The following COBL variants were observed in gnomAD, a reference collection of about 807,000 sequenced individuals.
COBL encodes the protein protein cordon-bleu.
Under a neutral mutation model 98.8 loss-of-function variants are expected in COBL, and 51 were observed. The ratio of observed to expected loss-of-function variants is 0.52; its 90% CI spans 0.41 to 0.65. The LOEUF (loss-of-function observed/expected upper bound fraction) is 0.65. COBL is among the 30% of genes least tolerant of loss of function. COBL has a pLI of 0.00. For synonymous variants in COBL, 634 were observed against 651.7 expected (o/e 0.97, Z 0.41); for missense variants, 1,617 against 1,617.5 (o/e 1.00, Z 0.01).
chr7:51,154,828 T>C (rs1346007852), intron 5 of COBL, among the ~76,000 whole-genome samples: 4 of 152,240 alleles, frequency 2.6e-5, no homozygotes, highest in Non-Finnish European at 4.4e-5. Flanking sequence ...TTTTCCTTTT[T>C]CCGTGTGTAA....
At chr7:51,125,226 A>G (rs896685312) in intron 6 of COBL, among the ~76,000 whole-genome samples, 4 of 152,180 alleles carry the variant, frequency 2.6e-5, no homozygotes, top group African/African-American at 9.7e-5. Flanking sequence ...GGTAGGCTCT[A>G]ATCCAATATG....
At position 51,085,283 on chromosome 7, in the gene COBL, C is replaced by G. The variant is rs750138605; in HGVS notation, c.979G>C (p.Asp327His). Reference sequence around the variant, plus strand: ...GCTCGCCGCTTCTTCTTCTGTAAATCAATCTGTGACCCAAGAGATACCTAT... The same window carrying G: ...GCTCGCCGCTTCTTCTTCTGTAAATGAATCTGTGACCCAAGAGATACCTAT... ...SEKVSLGSQI[D>H]LQKKKRRAPA... Residue 327 changes from aspartate (D) to histidine (H), a missense_variant, in exon 7 of 13, where the codon GAT becomes CAT. By Grantham distance (81) the Asp-to-His change is moderately conservative. Around this residue, in one of 3 missense-constraint regions of COBL, gnomAD observed 1,304 missense variants for 1,282.0 expected, o/e 1.02. Coordinates refer to ENST00000265136, the MANE Select transcript of COBL (RefSeq NM_015198.5). 6.3e-7 allele frequency: 1 copy of G among 1,576,780 alleles called. No homozygotes were observed. The highest frequency in any genetic ancestry group is 1.7e-5 in the Admixed American group (1 of 57,308).
intron 6 of COBL, among the ~76,000 whole-genome samples, chr7:51,098,918 GCAAA>G (rs990763169): frequency 6.6e-6 from 1 of 152,036 alleles, no homozygotes; most frequent in Non-Finnish European, 1.5e-5. Flanking sequence ...ATGACAATAA[GCAAA>G]CAATCTGATT....
intron 7 of COBL, among the ~76,000 whole-genome samples, chr7:51,063,414 C>T (rs976730453): frequency 2.6e-5 from 4 of 152,222 alleles, no homozygotes; most frequent in Admixed American, 1.3e-4. Flanking sequence ...GGATTACAGG[C>T]GTGAGCCACT....
intron 1 of COBL, among the ~76,000 whole-genome samples, chr7:51,310,363 T>C (rs1017465700): frequency 6.6e-6 from 1 of 152,204 alleles, no homozygotes; most frequent in Non-Finnish European, 1.5e-5. Context: ...CCAAAGCTTC[T>C]TGTTCCTGAG....
Position 51,244,856 on chromosome 7 carries a change from A to C in COBL, c.42-24912T>G, listed in dbSNP as rs186865954. On this transcript the variant is annotated intron_variant, in intron 1 of 12. Transcript: ENST00000265136. ...ACCTTCACCACGCCTCTGTCTGCAG[A>C]GACCCCAGGGAGTTCCTGCAAGGAA... Among the ~76,000 whole-genome samples, 66 of 152,328 alleles carry C rather than the reference A, an allele frequency of 4.3e-4. 1 individual carries two copies. In the East Asian group the frequency reaches 0.011, roughly 26 times the overall value.
chr7:51,218,910 C>T (rs992672944), intron 2 of COBL, among the ~76,000 whole-genome samples: 29 of 152,130 alleles, frequency 1.9e-4, no homozygotes, highest in African/African-American at 6.0e-4. Flanking sequence ...TTCAGTAAAA[C>T]GTATAAATTA....
intron 6 of COBL, among the ~76,000 whole-genome samples, chr7:51,098,039 A>C (rs1583784205): frequency 6.6e-6 from 1 of 151,504 alleles, no homozygotes; most frequent in East Asian, 1.9e-4. Flanking sequence ...AAAAAAAAAA[A>C]AAAGCAATAA....
At chr7:51,243,766 G>C (rs1796032464) in intron 1 of COBL, among the ~76,000 whole-genome samples, 1 of 152,120 alleles carries the variant, frequency 6.6e-6, no homozygotes, top group Non-Finnish European at 1.5e-5. Context: ...AGGTGGCTGT[G>C]CCTGAAAGGG....
intron 7 of COBL, chr7:51,070,787 T>G (rs958459904): frequency 7.3e-6 from 1 of 137,240 alleles, no homozygotes; most frequent in Non-Finnish European, 1.7e-5. Context: ...GGTGCTAAAA[T>G]AAAATGTCAG....
At chr7:51,177,014 T>C (rs1281170702) in intron 5 of COBL, among the ~76,000 whole-genome samples, 1 of 152,240 alleles carries the variant, frequency 6.6e-6, no homozygotes, top group East Asian at 1.9e-4. Flanking sequence ...CAGAATTTAA[T>C]TTAGAGATTT....
chr7:51,209,657 G>C (rs1430744346), intron 2 of COBL, among the ~76,000 whole-genome samples: 1 of 152,096 alleles, frequency 6.6e-6, no homozygotes, highest in Admixed American at 6.5e-5. Flanking sequence ...CTGTGTATCT[G>C]TGATGAGCCT....
intron 5 of COBL, among the ~76,000 whole-genome samples, chr7:51,179,173 T>C (rs1788693082): frequency 6.6e-6 from 1 of 152,148 alleles, no homozygotes; most frequent in African/African-American, 2.4e-5. Context: ...GCATATTTGG[T>C]ATGTGAAAAT....
intron 1 of COBL, chr7:51,260,016 T>C: frequency 1.3e-6 from 1 of 767,918 alleles, no homozygotes; most frequent in South Asian, 1.4e-5. Flanking sequence ...ATGATTCCAG[T>C]CGTTTAACTT....
chr7:51,226,832 C>T (rs559846804), intron 1 of COBL, among the ~76,000 whole-genome samples: 1 of 152,134 alleles, frequency 6.6e-6, no homozygotes, highest in African/African-American at 2.4e-5. Flanking sequence ...GCCACCATGC[C>T]ACACTGTGTA....
intron 1 of COBL, among the ~76,000 whole-genome samples, chr7:51,228,882 T>C (rs1477322275): frequency 6.6e-6 from 1 of 152,068 alleles, no homozygotes. Context: ...GTTACTACAT[T>C]GTTCAATATT....
chr7:51,311,779 G>A (rs533833639), intron 1 of COBL, among the ~76,000 whole-genome samples: 1 of 151,976 alleles, frequency 6.6e-6, no homozygotes, highest in South Asian at 2.1e-4. Flanking sequence ...GTGTAAAAAG[G>A]CATATTATCA....
At chr7:51,050,130 T>TAC (rs930065542) in intron 7 of COBL, among the ~76,000 whole-genome samples, 10 of 152,216 alleles carry the variant, frequency 6.6e-5, no homozygotes, top group South Asian at 2.1e-4. Context: ...CACTACTATA[T>TAC]ACACACACAC....
At chr7:51,150,743 C>T (rs767829166) in intron 5 of COBL, among the ~76,000 whole-genome samples, 1 of 152,124 alleles carries the variant, frequency 6.6e-6, no homozygotes, top group Non-Finnish European at 1.5e-5. Flanking sequence ...TATGGCTGCT[C>T]AAGATTGGGC....
Sources: allele counts gnomAD v4.1 joint callset (sites outside exome capture counted in the v4.1 genomes callset), GRCh38; gene constraint gnomAD v4.1.1; regional missense constraint gnomAD v4.1.1; transcripts MANE v1.5; gene names NCBI Gene and HGNC (gene_info 2026-07-23, HGNC 2026-07-21).